STRIP2: variants seen among roughly 807,000 people sequenced by gnomAD.
STRIP2 encodes the protein striatin-interacting protein 2.
Under a neutral mutation model 107.1 loss-of-function variants are expected in STRIP2, and 84 were observed. That is an observed-to-expected ratio of 0.78 (90% confidence interval 0.66 to 0.94). The LOEUF (loss-of-function observed/expected upper bound fraction) is 0.94. STRIP2 is among the 40% of genes least tolerant of loss of function. STRIP2 has a pLI of 0.00. For synonymous variants in STRIP2, 394 were observed against 400.4 expected (o/e 0.98, Z 0.19); for missense variants, 888 against 1,034.2 (o/e 0.86, Z 1.94).
Position 129,440,072 on chromosome 7 carries a change from G to C in STRIP2, c.180G>C (p.Gly60=), listed in dbSNP as rs1373502810. Residue 60 remains glycine (G), a synonymous_variant, in exon 2 of 21, where the codon GGG becomes GGC. Coordinates refer to ENST00000249344, the MANE Select transcript of STRIP2 (RefSeq NM_020704.3). The part of the protein sequence containing the change: ...TLEFEYGDAD[G]HAAELSELYS... ...AGTTTGAGTATGGAGATGCAGATGG[G>C]CATGCAGCCGAGTTGTCAGGTATGA... is the stretch of plus-strand genomic sequence containing the variant. The C allele has an allele frequency of 6.2e-7, 1 of 1,614,162 alleles. No homozygotes were observed. Among genetic ancestry groups the C allele is most frequent in the South Asian group, 1.1e-5 (1 of 91,082 alleles).
In STRIP2 at chr7:129,454,124, T is replaced by C; in HGVS notation, c.531-18T>C. The C allele has an allele frequency of 6.2e-7, 1 of 1,613,412 alleles. No individual in the cohort carries two copies. Among genetic ancestry groups the C allele is most frequent in the East Asian group, 2.2e-5 (1 of 44,876 alleles). ...AGAAGTCTTATGCATTCCTGTTCTTTTTCTCCTCCCCTGGCAGCAACAGCC... is the reference window on the plus strand; with the variant it reads ...AGAAGTCTTATGCATTCCTGTTCTTCTTCTCCTCCCCTGGCAGCAACAGCC... On this transcript the variant is annotated intron_variant, in intron 5 of 20. Coordinates refer to ENST00000249344, the MANE Select transcript of STRIP2 (RefSeq NM_020704.3).
chr7:129,472,775 CCTTTTTT>C lies in STRIP2; in HGVS notation c.1944+2061_1944+2067del, dbSNP rs1182678930. On this transcript the variant is annotated intron_variant, in intron 18 of 20. Coordinates refer to ENST00000249344, the MANE Select transcript of STRIP2 (RefSeq NM_020704.3). ...AATATATAGAATTTTCTTTTCTTTTCCTTTTTTTTTTTTTTTTTTTTTTTTTTTTGAG... is the reference window on the plus strand; with the variant it reads ...AATATATAGAATTTTCTTTTCTTTTCTTTTTTTTTTTTTTTTTTTTTTGAG... 2.8e-4 allele frequency among the ~76,000 whole-genome samples: 19 copies of C among 68,890 alleles called. 1 individual carries two copies. Among genetic ancestry groups the C allele is most frequent in the Admixed American group, 6.9e-4 (3 of 4,318 alleles). The allele number at this position is 68,890 out of a possible 152,430, so 45.2% of individuals were successfully genotyped here. A position where few individuals can be genotyped will look rare whatever the true frequency, so the allele number is the denominator to read the frequency against.
At chr7:129,465,395 G>C (rs544882532) in intron 16 of STRIP2, among the ~76,000 whole-genome samples, 27 of 152,282 alleles carry the variant, frequency 1.8e-4, no homozygotes, top group Non-Finnish European at 3.4e-4. Flanking sequence ...AAGTCCAGAG[G>C]GGGAAGAGAG....
rs1011761673 is a variant in STRIP2, at chr7:129,467,294, A to G, written c.1777-56A>G. The G allele has an allele frequency of 3.9e-6, 5 of 1,272,576 alleles. No individual in the cohort carries two copies. In the African/African-American group the frequency reaches 7.4e-5, roughly 19 times the overall value. 78.8% of individuals were successfully genotyped at this position (1,272,576 alleles called of 1,614,324 possible). A position where few individuals can be genotyped will look rare whatever the true frequency, so the allele number is the denominator to read the frequency against. On this transcript the variant is annotated intron_variant, in intron 16 of 20. Transcript: ENST00000249344. ...TGTATTTCCTCTCTTTTTTTCAAAC[A>G]TACTTTCCATTCTCCTCCAAATAAG... is the stretch of plus-strand genomic sequence containing the variant.
In STRIP2 at chr7:129,482,958, C is replaced by T. The variant is rs769069474; in HGVS notation, c.2166C>T (p.Arg722=). 2 of 1,614,082 alleles carry T rather than the reference C, an allele frequency of 1.2e-6. No homozygotes were observed. Among genetic ancestry groups the T allele is most frequent in the Admixed American group, 1.7e-5 (1 of 60,006 alleles). The part of the protein sequence containing the change: ...LLKLQTKYLG[R]QWRKSNMKTM... ...AGTTACAGACCAAGTACCTGGGGCG[C>T]CAATGGAGGAAAAGCAACATGAAAA... Residue 722 remains arginine (R), a synonymous_variant, in exon 20 of 21, where the codon CGC becomes CGT. Coordinates refer to ENST00000249344, the MANE Select transcript of STRIP2 (RefSeq NM_020704.3).
chr7:129,461,039 G>C lies in STRIP2; in HGVS notation c.1476+667G>C, dbSNP rs1798519442. On this transcript the variant is annotated intron_variant, in intron 13 of 20. Transcript: ENST00000249344. The surrounding 1 kb of genome is among the most constrained non-coding windows in gnomAD (Gnocchi z 4.0). ...GTAAAGATTGGACCAGAAAAGCATA[G>C]ACGCACTCTACGGAGATTAGTTAGA... Among the ~76,000 whole-genome samples, 1 of 152,238 alleles carries C rather than the reference G, an allele frequency of 6.6e-6. No homozygotes were observed. Among genetic ancestry groups the C allele is most frequent in the South Asian group, 2.1e-4 (1 of 4,828 alleles).
chr7:129,477,172 G>A (rs1465135499), intron 18 of STRIP2, among the ~76,000 whole-genome samples: 1 of 142,130 alleles, frequency 7.0e-6, no homozygotes, highest in African/African-American at 2.6e-5. Context: ...GTGGAAAGAG[G>A]GAGAGGGAGA....
chr7:129,436,798 A>C (rs1183629290), intron 1 of STRIP2, among the ~76,000 whole-genome samples: 1 of 152,178 alleles, frequency 6.6e-6, no homozygotes, highest in Non-Finnish European at 1.5e-5. Context: ...ATCGTGTATC[A>C]CTGTTTATGG....
At chr7:129,482,797 C>G in intron 19 of STRIP2, 45 bp from the exon 20 acceptor site, 1 of 1,602,224 alleles carries the variant, frequency 6.2e-7, no homozygotes, top group Non-Finnish European at 8.5e-7. Context: ...ACTGGAAATT[C>G]CAAGAAACGT....
In STRIP2 at chr7:129,472,844, T is replaced by C. The variant is rs181642666; in HGVS notation, c.1944+2129T>C. On this transcript the variant is annotated intron_variant, in intron 18 of 20. Transcript: ENST00000249344. The stretch of plus-strand genomic sequence containing the variant: ...TGCTGTCACCCAGGCTGGAATGCAG[T>C]GGTGTGATCTCAGCTCACTGAAACC... Among the ~76,000 whole-genome samples, 6 of 130,956 alleles carry C rather than the reference T, an allele frequency of 4.6e-5. No homozygotes were observed. In the East Asian group the frequency reaches 1.6e-3, roughly 35 times the overall value. 85.9% of individuals were successfully genotyped at this position (130,956 alleles called of 152,430 possible). A position where few individuals can be genotyped will look rare whatever the true frequency, so the allele number is the denominator to read the frequency against.
chr7:129,479,895 C>T (rs541476560), intron 18 of STRIP2, among the ~76,000 whole-genome samples: 2 of 152,038 alleles, frequency 1.3e-5, no homozygotes, highest in South Asian at 2.1e-4. Flanking sequence ...ATGTTCATTC[C>T]ACATTAGATA....
intron 3 of STRIP2, among the ~76,000 whole-genome samples, chr7:129,446,029 T>C (rs1322371652): frequency 6.6e-6 from 1 of 152,134 alleles, no homozygotes; most frequent in Non-Finnish European, 1.5e-5. Flanking sequence ...CAGGGCTCAG[T>C]GTTGGTCTCT....
intron 18 of STRIP2, 23 bp downstream of exon 18, chr7:129,470,738 G>C: frequency 6.2e-7 from 1 of 1,609,158 alleles, no homozygotes; most frequent in Non-Finnish European, 8.5e-7. Flanking sequence ...GGATTTGGTA[G>C]CCTTTGAAAT....
At chr7:129,485,472 A>AAG in intron 20 of STRIP2, 107 bp from the exon 21 acceptor site, 1 of 1,255,202 alleles carries the variant, frequency 8.0e-7, no homozygotes, top group Non-Finnish European at 1.1e-6. Flanking sequence ...AAAAAAAAAA[A>AAG]GAATTTCTGA....
chr7:129,465,053 T>TG (rs1205761034), intron 16 of STRIP2, among the ~76,000 whole-genome samples: 3 of 138,964 alleles, frequency 2.2e-5, no homozygotes, highest in Non-Finnish European at 3.1e-5. Context: ...TTCACAAAAA[T>TG]GGGGGGGTGG....
intron 20 of STRIP2, chr7:129,484,716 T>G (rs1003924837): frequency 1.6e-4 from 24 of 152,254 alleles, no homozygotes; most frequent in Admixed American, 1.2e-3. Flanking sequence ...CAAGCCAGGA[T>G]GCAACTTCTG....
At chr7:129,459,972 G>A (rs1011634349) in intron 12 of STRIP2, among the ~76,000 whole-genome samples, 7 of 152,068 alleles carry the variant, frequency 4.6e-5, no homozygotes, top group Non-Finnish European at 7.3e-5. Context: ...ACGTGCACAC[G>A]CATCAAAATT....
Position 129,451,616 on chromosome 7 carries a change from A to G in STRIP2, c.278A>G (p.Gln93Arg). ...CFEEDFKTQV[Q>R]GKEWLELEED... ...GTATATGGCCTTTTATTCCCAGTGC[A>G]GGGCAAGGAATGGCTGGAGTTGGAA... The change falls in exon 4 of 21, where the codon CAG (glutamine) becomes CGG (arginine). Residue 93 changes from glutamine (Q) to arginine (R), a missense_variant. Gln to Arg is a conservative substitution (Grantham distance 43, BLOSUM62 1). Transcript: ENST00000249344. 1 of 1,614,150 alleles carries G rather than the reference A, an allele frequency of 6.2e-7. No homozygotes were observed. Among genetic ancestry groups the G allele is most frequent in the South Asian group, 1.1e-5 (1 of 91,082 alleles).
Position 129,459,533 on chromosome 7 carries a change from GTT to G in STRIP2, c.1358_1359del (p.Val453GlyfsTer8). 6.2e-7 allele frequency: 1 copy of G among 1,613,974 alleles called. No individual in the cohort carries two copies. Among genetic ancestry groups the G allele is most frequent in the Non-Finnish European group, 8.5e-7 (1 of 1,179,976 alleles). Reference sequence around the variant, plus strand: ...CTTTTACAGGGACACAGATACATTGGTTGGATTACCCAGGCCCATCCATGAGA... The same window carrying G: ...CTTTTACAGGGACACAGATACATTGGGGATTACCCAGGCCCATCCATGAGA... ...FTLGQDTDTL[V>X]GLPRPIHESV... On this transcript the variant is annotated frameshift_variant, in exon 12 of 21. Transcript: ENST00000249344. LOFTEE classifies it high-confidence loss of function.
Sources: allele counts gnomAD v4.1 joint callset (sites outside exome capture counted in the v4.1 genomes callset), GRCh38; gene constraint gnomAD v4.1.1; non-coding constraint Gnocchi (gnomAD v3.1); transcripts MANE v1.5; gene names NCBI Gene and HGNC (gene_info 2026-07-23, HGNC 2026-07-21).